The following SCAPER variants were observed in gnomAD, a reference collection of about 807,000 sequenced individuals.
SCAPER encodes the protein S-phase cyclin A associated protein in the ER, also known as S phase cyclin A-associated protein in the endoplasmic reticulum.
Under a neutral mutation model 182.2 loss-of-function variants are expected in SCAPER, and 98 were observed. That is an observed-to-expected ratio of 0.54 (90% confidence interval 0.46 to 0.64). SCAPER has a LOEUF of 0.64. Among genes scored for constraint, SCAPER ranks in the 30% least tolerant of loss-of-function variants. The pLI, the probability that SCAPER is intolerant of heterozygous loss-of-function variation, is 0.00. For missense variants in SCAPER, 1,432 were observed against 1,690.0 expected (o/e 0.85, Z 2.68); for synonymous variants, 605 against 564.6 (o/e 1.07, Z -1.01).
intron 5 of SCAPER, among the ~76,000 whole-genome samples, chr15:76,810,743 T>C (rs2066538518): frequency 1.3e-5 from 2 of 151,960 alleles, no homozygotes; most frequent in Non-Finnish European, 2.9e-5. Context: ...TGGGGTTAAA[T>C]AATGGTCAAA....
rs2044697070 is a variant in SCAPER, at chr15:76,404,663, C to G, written c.3328G>C (p.Gly1110Arg). The G allele has an allele frequency of 1.9e-6, 3 of 1,611,162 alleles. No homozygotes were observed. Among genetic ancestry groups the G allele is most frequent in the African/African-American group, 2.7e-5 (2 of 74,634 alleles). ...QDLISYVVNM[G>R]LIDKLCACFL... is the part of the protein sequence containing the mutation. ...CAGGCACACAGTTTGTCAATCAGAC[C>G]CATGTTCACCACGTAGCTAGATATG... Residue 1110 changes from glycine (G) to arginine (R), a missense_variant, in exon 27 of 32, where the codon GGT becomes CGT. Physicochemically the swap from Gly to Arg is moderately radical, Grantham distance 125 (BLOSUM62 -2). Coordinates refer to ENST00000563290, the MANE Select transcript of SCAPER (RefSeq NM_020843.4).
chr15:76,781,877 T>C (rs1034192935), intron 8 of SCAPER, among the ~76,000 whole-genome samples: 4 of 151,768 alleles, frequency 2.6e-5, no homozygotes, highest in African/African-American at 9.7e-5. Flanking sequence ...CTAAAAGAGC[T>C]CCTGAAGGAA....
chr15:76,580,159 A>G (rs2048162349), intron 22 of SCAPER, among the ~76,000 whole-genome samples: 1 of 152,196 alleles, frequency 6.6e-6, no homozygotes, highest in African/African-American at 2.4e-5. Context: ...AATCTACACC[A>G]TAGACTAAAT....
intron 22 of SCAPER, among the ~76,000 whole-genome samples, chr15:76,618,076 C>G (rs746583705): frequency 6.6e-6 from 1 of 152,028 alleles, no homozygotes; most frequent in Non-Finnish European, 1.5e-5. Flanking sequence ...CTGACCAACC[C>G]TGGTGAAACC....
intron 14 of SCAPER, among the ~76,000 whole-genome samples, chr15:76,763,233 G>C (rs2062900923): frequency 6.6e-6 from 1 of 151,094 alleles, no homozygotes; most frequent in Admixed American, 6.6e-5. Context: ...CCAGGGTATA[G>C]TAATCATGGC....
At chr15:76,378,400 A>T (rs1050978450) in intron 28 of SCAPER, among the ~76,000 whole-genome samples, 2 of 152,166 alleles carry the variant, frequency 1.3e-5, no homozygotes, top group African/African-American at 4.8e-5. Context: ...ACATACATAG[A>T]TCCTAAAATC....
intron 23 of SCAPER, among the ~76,000 whole-genome samples, chr15:76,532,691 T>G (rs2043782091): frequency 6.6e-6 from 1 of 152,120 alleles, no homozygotes; most frequent in African/African-American, 2.4e-5. Flanking sequence ...AAATTCACCT[T>G]AAATGTGGTC....
intron 22 of SCAPER, among the ~76,000 whole-genome samples, chr15:76,610,863 C>G (rs1042872292): frequency 6.6e-5 from 10 of 152,114 alleles, no homozygotes; most frequent in African/African-American, 2.2e-4. Flanking sequence ...TCTACATATG[C>G]AGTGAAATCC....
At chr15:76,634,552 A>C (rs1170461781) in intron 21 of SCAPER, among the ~76,000 whole-genome samples, 3 of 152,196 alleles carry the variant, frequency 2.0e-5, no homozygotes, top group African/African-American at 7.2e-5. Context: ...CATCTCAAAA[A>C]TATTAAGTCT....
At chr15:76,643,194 A>G (rs1231186983) in intron 21 of SCAPER, among the ~76,000 whole-genome samples, 3 of 152,130 alleles carry the variant, frequency 2.0e-5, no homozygotes, top group African/African-American at 7.2e-5. Flanking sequence ...CAGGACATCC[A>G]CAGAATCTAT....
rs923474719 is a variant in SCAPER at position 76,871,491 on chromosome 15, G to C, written c.7-8958C>G. Among the ~76,000 whole-genome samples the C allele has an allele frequency of 1.5e-4, 22 of 151,110 alleles. 1 individual carries two copies. The highest frequency in any genetic ancestry group is 2.9e-5 in the Non-Finnish European group (2 of 67,846). ...ATAACACAGTCACCTGGGGAATAAG[G>C]GCAAGATGGGATAGCGATGGGGACT... is the stretch of plus-strand genomic sequence containing the variant. On this transcript the variant is annotated intron_variant, in intron 2 of 31. Transcript: ENST00000563290.
At chr15:76,900,083 G>A (rs2074686573) in intron 1 of SCAPER, among the ~76,000 whole-genome samples, 1 of 152,054 alleles carries the variant, frequency 6.6e-6, no homozygotes, top group African/African-American at 2.4e-5. Flanking sequence ...TCAACTCAGG[G>A]TTAAATGGAT....
intron 23 of SCAPER, among the ~76,000 whole-genome samples, chr15:76,563,225 T>C (rs952432156): frequency 2.0e-5 from 3 of 152,210 alleles, no homozygotes; most frequent in African/African-American, 7.2e-5. Flanking sequence ...TTTGCCTTCA[T>C]AGTTTTCATT....
intron 2 of SCAPER, among the ~76,000 whole-genome samples, chr15:76,872,969 G>A (rs2072834749): frequency 6.6e-6 from 1 of 151,834 alleles, no homozygotes; most frequent in East Asian, 1.9e-4. Context: ...GAAATGTTGG[G>A]CCGGGCACAG....
At chr15:76,791,775 T>C (rs185761651) in intron 8 of SCAPER, among the ~76,000 whole-genome samples, 16 of 152,212 alleles carry the variant, frequency 1.1e-4, no homozygotes, top group Admixed American at 9.2e-4. Context: ...GAAAAAATTT[T>C]AAATTCAGGA....
chr15:76,357,846 G>A (rs923078014), intron 29 of SCAPER, among the ~76,000 whole-genome samples: 1 of 152,184 alleles, frequency 6.6e-6, no homozygotes, highest in African/African-American at 2.4e-5. Flanking sequence ...TATTCAGAAA[G>A]TCAAATACCA....
intron 26 of SCAPER, among the ~76,000 whole-genome samples, chr15:76,421,902 T>A (rs1224017583): frequency 2.0e-5 from 3 of 152,238 alleles, no homozygotes; most frequent in African/African-American, 7.2e-5. Context: ...TGCTTGTTTT[T>A]GTCAGGTTTG....
intron 20 of SCAPER, among the ~76,000 whole-genome samples, chr15:76,672,298 A>G (rs1310287245): frequency 6.6e-6 from 1 of 152,230 alleles, no homozygotes; most frequent in African/African-American, 2.4e-5. Flanking sequence ...AACTAATTCC[A>G]TGTAAAAATT....
intron 22 of SCAPER, among the ~76,000 whole-genome samples, chr15:76,617,497 A>C (rs947988732): frequency 1.3e-5 from 2 of 152,200 alleles, no homozygotes; most frequent in African/African-American, 4.8e-5. Flanking sequence ...TCAGCTAGAT[A>C]ATTCTTCTCG....
Sources: gnomAD v4.1 joint callset for allele counts (sites outside exome capture counted in the v4.1 genomes callset) on GRCh38, gnomAD v4.1.1 for gene constraint, MANE v1.5 for transcripts, NCBI Gene and HGNC (gene_info 2026-07-23, HGNC 2026-07-21) for gene names.